The following SEMA3C variants were observed in gnomAD, a reference collection of about 807,000 sequenced individuals.
SEMA3C encodes the protein semaphorin-3C.
Under a neutral mutation model 89.4 loss-of-function variants are expected in SEMA3C, and 47 were observed. That is an observed-to-expected ratio of 0.53 (90% CI 0.42 to 0.67). The LOEUF is 0.67. Ranked by LOEUF, SEMA3C falls within the 30% of genes least tolerant of loss-of-function variation. The pLI is 0.00. For synonymous variants in SEMA3C, 310 were observed against 320.2 expected, an observed-to-expected ratio of 0.97 and a Z score of 0.34; for missense variants, 839 against 929.1, an observed-to-expected ratio of 0.90 and a Z score of 1.26.
At chr7:80,777,341 G>C (rs1235480114) in intron 12 of SEMA3C, among the ~76,000 whole-genome samples, 1 of 152,026 alleles carries the variant, frequency 6.6e-6, no homozygotes, top group East Asian at 1.9e-4. Flanking sequence ...ACCCAAGCTA[G>C]AGTACAGTGG....
At chr7:80,751,131 T>C in intron 16 of SEMA3C, 138 bp downstream of exon 16, 4 of 669,770 alleles carry the variant, frequency 6.0e-6, no homozygotes, top group Middle Eastern at 2.8e-4. Flanking sequence ...AATTACCCTA[T>C]ATAAATACCC....
intron 2 of SEMA3C, among the ~76,000 whole-genome samples, chr7:80,843,235 T>C (rs1478669830): frequency 6.6e-6 from 1 of 152,140 alleles, no homozygotes; most frequent in South Asian, 2.1e-4. Context: ...AAATGATAAG[T>C]ACTCAAGATA....
rs756862525 is a variant in SEMA3C at position 80,748,980 on chromosome 7, G to C, written c.1760C>G (p.Thr587Ser). The C allele has an allele frequency of 6.2e-7, 1 of 1,613,308 alleles. No homozygotes were observed. Among genetic ancestry groups the C allele is most frequent in the Non-Finnish European group, 8.5e-7 (1 of 1,179,582 alleles). ...EIVQYGVKNN[T>S]TFLECAPKSP... is the part of the protein sequence containing the mutation. ...CTTGGGGGCACACTCCAGAAAAGTG[G>C]TGTTATTTTTTACTCCATACTGGAC... Residue 587 changes from threonine (T) to serine (S), a missense_variant, in exon 17 of 18, where the codon ACC becomes AGC. Coordinates refer to ENST00000265361, the MANE Select transcript of SEMA3C (RefSeq NM_006379.5).
At chr7:80,799,741 C>T (rs1253316748) in intron 10 of SEMA3C, among the ~76,000 whole-genome samples, 2 of 151,944 alleles carry the variant, frequency 1.3e-5, no homozygotes, top group Non-Finnish European at 2.9e-5. Context: ...GTAATCCCAG[C>T]TACTTAGGCG....
chr7:80,805,236 T>C (rs905462737), intron 7 of SEMA3C, among the ~76,000 whole-genome samples: 1 of 152,108 alleles, frequency 6.6e-6, no homozygotes. Flanking sequence ...TCATTGCATC[T>C]CAATGTCATA....
intron 2 of SEMA3C, among the ~76,000 whole-genome samples, chr7:80,867,538 T>C (rs1418978763): frequency 6.6e-6 from 1 of 152,204 alleles, no homozygotes; most frequent in Middle Eastern, 3.2e-3. Context: ...GCTGAGTCCT[T>C]TGACCTCTTC....
intron 2 of SEMA3C, among the ~76,000 whole-genome samples, chr7:80,882,169 C>A (rs73374863): frequency 0.016 from 2,395 of 152,144 alleles, 57 homozygotes; most frequent in African/African-American, 0.051. Context: ...AATCACTACA[C>A]CTCATTCTCA....
At position 80,798,206 on chromosome 7, in the gene SEMA3C, C is replaced by T; in HGVS notation, c.1017G>A (p.Val339=). The change falls in exon 11 of 18, where the codon GTG becomes GTA. Residue 339 remains valine, a synonymous_variant. Transcript: ENST00000265361. The part of the protein sequence containing the change: ...SSVFKGSAVC[V]YHLSDIQTVF... ...CAGTCTGTATATCAGATAAATGATA[C>T]ACACACACGGCTGATCCTTTGAAAA... 1.9e-6 allele frequency: 3 copies of T among 1,559,382 alleles called. No homozygotes were observed. The highest frequency in any genetic ancestry group is 2.6e-6 in the Non-Finnish European group (3 of 1,156,384).
At chr7:80,751,060 G>A (rs1344955978) in intron 16 of SEMA3C, among the ~76,000 whole-genome samples, 3 of 152,112 alleles carry the variant, frequency 2.0e-5, no homozygotes, top group Admixed American at 6.6e-5. Context: ...TGAAGTATGC[G>A]TGTTCCCAGA....
chr7:80,803,151 G>A (rs1187171452), intron 8 of SEMA3C, among the ~76,000 whole-genome samples: 1 of 152,094 alleles, frequency 6.6e-6, no homozygotes, highest in African/African-American at 2.4e-5. Flanking sequence ...ATTATACACA[G>A]TGAGTTTTGC....
chr7:80,747,926 C>T (rs781712842), intron 17 of SEMA3C, among the ~76,000 whole-genome samples: 13 of 152,062 alleles, frequency 8.5e-5, no homozygotes, highest in Non-Finnish European at 1.6e-4. Flanking sequence ...GTCTGAGAGT[C>T]GGAGAGTATT....
upstream of SEMA3C, chr7:80,919,259 G>A: frequency 2.0e-6 from 2 of 984,996 alleles, no homozygotes; most frequent in Non-Finnish European, 2.4e-6. Flanking sequence ...GACCGGGCGG[G>A]GCCGACCCTT....
chr7:80,867,881 T>C (rs1453942687), intron 2 of SEMA3C, among the ~76,000 whole-genome samples: 1 of 152,124 alleles, frequency 6.6e-6, no homozygotes, highest in Non-Finnish European at 1.5e-5. Flanking sequence ...GGTCTCAACA[T>C]CAGGGAAATG....
intron 12 of SEMA3C, 78 bp from the exon 13 acceptor site, chr7:80,765,321 G>T: frequency 9.8e-7 from 1 of 1,018,186 alleles, no homozygotes; most frequent in Non-Finnish European, 1.5e-6. Flanking sequence ...CTACTGACTT[G>T]GACCATTATT....
intron 13 of SEMA3C, among the ~76,000 whole-genome samples, chr7:80,763,100 C>G (rs1355602305): frequency 1.3e-5 from 2 of 152,150 alleles, no homozygotes; most frequent in Non-Finnish European, 2.9e-5. Context: ...AGTTATACTT[C>G]TAATTCTAGT....
At chr7:80,795,941 T>C (rs1789053821) in intron 11 of SEMA3C, among the ~76,000 whole-genome samples, 1 of 152,194 alleles carries the variant, frequency 6.6e-6, no homozygotes, top group African/African-American at 2.4e-5. Context: ...CCTGGGTCCA[T>C]GCTGGCTCCA....
At chr7:80,906,033 G>A (rs1028008079) in intron 2 of SEMA3C, 3 of 442,004 alleles carry the variant, frequency 6.8e-6, no homozygotes, top group Non-Finnish European at 1.2e-5. Context: ...AGAGACAGAT[G>A]GACATAACAA....
At chr7:80,853,754 A>T (rs550945799) in intron 2 of SEMA3C, among the ~76,000 whole-genome samples, 28 of 152,294 alleles carry the variant, frequency 1.8e-4, no homozygotes, top group African/African-American at 6.5e-4. Context: ...TTGTACATTT[A>T]AAAATAACTA....
intron 2 of SEMA3C, among the ~76,000 whole-genome samples, chr7:80,852,392 T>C (rs1790534612): frequency 6.6e-6 from 1 of 152,178 alleles, no homozygotes; most frequent in Non-Finnish European, 1.5e-5. Flanking sequence ...ATGAAACTAC[T>C]AAAATAAAAC....
Sources: gnomAD v4.1 joint callset for allele counts (sites outside exome capture counted in the v4.1 genomes callset) on GRCh38, gnomAD v4.1.1 for gene constraint, MANE v1.5 for transcripts, NCBI Gene and HGNC (gene_info 2026-07-23, HGNC 2026-07-21) for gene names.